CLASRP: variants seen among roughly 807,000 people sequenced by gnomAD.
CLASRP encodes CLK4 associating serine/arginine rich protein.
A neutral mutation model predicts 99.9 loss-of-function variants in CLASRP; 52 were observed. The observed-to-expected ratio is 0.52, with a 90% confidence interval of 0.42 to 0.66. The LOEUF is 0.66. CLASRP is among the 30% of genes least tolerant of loss of function. The pLI is 0.00. For missense variants in CLASRP, 848 were observed against 999.2 expected (o/e 0.85, Z 2.04); for synonymous variants, 379 against 373.0 (o/e 1.02, Z -0.18).
chr19:45,041,145 G>C (rs765622088), intron 2 of CLASRP, among the ~76,000 whole-genome samples: 1 of 151,748 alleles, frequency 6.6e-6, no homozygotes, highest in Non-Finnish European at 1.5e-5. Flanking sequence ...GGTGTGAACC[G>C]GGGAGGGGGG....
intron 13 of CLASRP, among the ~76,000 whole-genome samples, chr19:45,065,022 A>G (rs1157459406): frequency 6.7e-6 from 1 of 149,964 alleles, no homozygotes; most frequent in Non-Finnish European, 1.5e-5. Flanking sequence ...GGGCTGGGAA[A>G]CCCCTTGCGG....
chr19:45,039,195 T>G (rs912607146), intron 1 of CLASRP, 87 bp downstream of exon 1: 1 of 152,536 alleles, frequency 6.6e-6, no homozygotes, highest in African/African-American at 2.4e-5. Flanking sequence ...CCCATGCTGC[T>G]GTGGGCTTCT....
chr19:45,070,529 C>A lies in CLASRP; in HGVS notation c.1958-8C>A, dbSNP rs371322204. On this transcript the variant is annotated splice_region_variant and splice_polypyrimidine_tract_variant and intron_variant, in intron 19 of 20. Coordinates refer to ENST00000221455, the MANE Select transcript of CLASRP (RefSeq NM_007056.3). ...TTGCTCGCTCTTCACCTGTTGTTTT[C>A]TTTCCAGGTCGAGAATACAGCTCTT... 11 of 1,613,800 alleles carry A rather than the reference C, an allele frequency of 6.8e-6. No individual in the cohort carries two copies. The highest frequency in any genetic ancestry group is 6.7e-5 in the East Asian group (3 of 44,898).
At chr19:45,061,500 A>G (rs1177843947) in intron 10 of CLASRP, among the ~76,000 whole-genome samples, 1 of 151,394 alleles carries the variant, frequency 6.6e-6, no homozygotes, top group Non-Finnish European at 1.5e-5. Context: ...ACAGGGTCTT[A>G]TTCTGTCACC....
At chr19:45,068,518 T>C (rs780465915) in intron 16 of CLASRP, 38 bp downstream of exon 16, 2 of 1,506,660 alleles carry the variant, frequency 1.3e-6, no homozygotes, top group Admixed American at 1.7e-5. Context: ...TTCACAGCTC[T>C]TCTTTCCCTT....
At chr19:45,062,689 T>G (rs1019923915) in intron 11 of CLASRP, among the ~76,000 whole-genome samples, 10 of 152,124 alleles carry the variant, frequency 6.6e-5, no homozygotes, top group African/African-American at 2.4e-4. Context: ...CCAATAAAAT[T>G]TTCTTTATCT....
At chr19:45,056,699 T>C (rs960042803) in intron 6 of CLASRP, among the ~76,000 whole-genome samples, 165 bp downstream of exon 6, 1 of 152,186 alleles carries the variant, frequency 6.6e-6, no homozygotes, top group African/African-American at 2.4e-5. Flanking sequence ...GAAGAAGCCC[T>C]GTCAGGGGGC....
chr19:45,056,825 A>AGCC, intron 6 of CLASRP, among the ~76,000 whole-genome samples: 1 of 152,200 alleles, frequency 6.6e-6, no homozygotes, highest in South Asian at 2.1e-4. Flanking sequence ...CTGAGTGGGA[A>AGCC]TTGTCTGAGC....
intron 2 of CLASRP, among the ~76,000 whole-genome samples, chr19:45,049,520 C>T (rs762995088): frequency 6.6e-5 from 10 of 152,268 alleles, no homozygotes; most frequent in African/African-American, 2.4e-4. Context: ...ATAGTGAGTG[C>T]GGGGTTGAAA....
Position 45,067,100 on chromosome 19 carries a change from G to A in CLASRP, c.1410-237G>A, listed in dbSNP as rs1340628874. Among the ~76,000 whole-genome samples, 1 of 152,232 alleles carries A rather than the reference G, an allele frequency of 6.6e-6. No homozygotes were observed. The highest frequency in any genetic ancestry group is 1.5e-5 in the Non-Finnish European group (1 of 68,040). On this transcript the variant is annotated intron_variant, in intron 13 of 20. Transcript: ENST00000221455. This position sits in a 1 kb window ranked among gnomAD's most constrained non-coding sequence, Gnocchi z 4.9. ...GGGAGAGGTGACGTGGGCCAGGCAG[G>A]GCTCATGATGGCAGGACTGCCCTTA...
At position 45,064,173 on chromosome 19, in the gene CLASRP, C is replaced by A. The variant is rs573015513; in HGVS notation, c.1067C>A (p.Pro356His). 1.4e-5 allele frequency: 23 copies of A among 1,610,188 alleles called. No homozygotes were observed. The highest frequency in any genetic ancestry group is 1.9e-5 in the Non-Finnish European group (22 of 1,179,058). The change falls in exon 12 of 21, where the codon CCC becomes CAC. Residue 356 changes from proline (P) to histidine (H), a missense_variant. Transcript: ENST00000221455. The part of the protein sequence containing the change: ...AAASGVTTGK[P>H]PAPPQPGGPA... Reference sequence around the variant, plus strand: ...GCATCAGGAGTCACCACAGGGAAGCCCCCCGCACCTCCCCAGCCTGGCGGC... The same window carrying A: ...GCATCAGGAGTCACCACAGGGAAGCACCCCGCACCTCCCCAGCCTGGCGGC...
intron 2 of CLASRP, among the ~76,000 whole-genome samples, chr19:45,042,575 A>G (rs1240361188): frequency 6.6e-6 from 1 of 151,712 alleles, no homozygotes; most frequent in Non-Finnish European, 1.5e-5. Context: ...ACGCATACAC[A>G]GGTTGAACAT....
At chr19:45,039,289 G>A (rs1044085307) in intron 1 of CLASRP, among the ~76,000 whole-genome samples, 181 bp downstream of exon 1, 1 of 152,080 alleles carries the variant, frequency 6.6e-6, no homozygotes, top group Non-Finnish European at 1.5e-5. Flanking sequence ...CCCGGCTGTG[G>A]GCCAGAAGTT....
chr19:45,060,490 A>AG lies in CLASRP; in HGVS notation c.789+27dup. 6.2e-7 allele frequency: 1 copy of AG among 1,613,832 alleles called. No individual in the cohort carries two copies. Among genetic ancestry groups the AG allele is most frequent in the Non-Finnish European group, 8.5e-7 (1 of 1,179,732 alleles). The stretch of plus-strand genomic sequence containing the variant: ...TCGGTGAGGTCTGGGCTGGAGTGGA[A>AG]GGGGACAGGGGTGTGTCACAGGGAG... On this transcript the variant is annotated intron_variant, in intron 9 of 20. Coordinates refer to ENST00000221455, the MANE Select transcript of CLASRP (RefSeq NM_007056.3). This position sits in a 1 kb window ranked among gnomAD's most constrained non-coding sequence, Gnocchi z 4.6.
chr19:45,069,201 GGAGCGGGAAGAC>G lies in CLASRP; in HGVS notation c.1832_1843del (p.Arg611_Glu614del), dbSNP rs760444677. On this transcript the variant is annotated inframe_deletion and splice_region_variant, in exon 18 of 21. Coordinates refer to ENST00000221455, the MANE Select transcript of CLASRP (RefSeq NM_007056.3). ...CGTCCTCATAGCCCTGTCTGCTGCA[GGAGCGGGAAGAC>G]GAGCTTCGAGCCATGGCCCGCAAGA... 1.2e-6 allele frequency: 2 copies of G among 1,614,004 alleles called. No individual in the cohort carries two copies. Among genetic ancestry groups the G allele is most frequent in the Admixed American group, 3.3e-5 (2 of 59,994 alleles).
At chr19:45,042,373 G>A (rs900070084) in intron 2 of CLASRP, among the ~76,000 whole-genome samples, 22 of 152,156 alleles carry the variant, frequency 1.4e-4, no homozygotes, top group African/African-American at 5.1e-4. Context: ...GAAGAGGCTG[G>A]GGCAGTAATA....
At chr19:45,050,221 C>T (rs1245505602) in intron 2 of CLASRP, among the ~76,000 whole-genome samples, 1 of 151,472 alleles carries the variant, frequency 6.6e-6, no homozygotes, top group Non-Finnish European at 1.5e-5. Context: ...GGGTGGGGTG[C>T]GGCCCAACAT....
chr19:45,062,131 C>T (rs1409324015), intron 10 of CLASRP, 23 bp from the exon 11 acceptor site: 1 of 1,420,646 alleles, frequency 7.0e-7, no homozygotes, highest in Non-Finnish European at 9.9e-7. Flanking sequence ...CTAATTTGTC[C>T]CACCCCATTC....
At chr19:45,048,560 G>A (rs1971964178) in intron 2 of CLASRP, among the ~76,000 whole-genome samples, 1 of 150,882 alleles carries the variant, frequency 6.6e-6, no homozygotes, top group African/African-American at 2.4e-5. Flanking sequence ...CTCTTAAAAA[G>A]CAAATAAATA....
Sources: gnomAD v4.1 joint callset for allele counts (sites outside exome capture counted in the v4.1 genomes callset) on GRCh38, gnomAD v4.1.1 for gene constraint, Gnocchi (gnomAD v3.1) non-coding constraint, MANE v1.5 for transcripts, NCBI Gene and HGNC (gene_info 2026-07-23, HGNC 2026-07-21) for gene names.